PITPNM2: variants seen among roughly 807,000 people sequenced by gnomAD.
The protein encoded by PITPNM2 is membrane-associated phosphatidylinositol transfer protein 2.
A neutral mutation model predicts 132.2 loss-of-function variants in PITPNM2; 35 were observed. The observed-to-expected ratio is 0.26, with a 90% CI of 0.20 to 0.35. The LOEUF is 0.35. Among genes scored for constraint, PITPNM2 ranks in the 10% least tolerant of loss-of-function variants. The pLI is 1.00. For synonymous variants in PITPNM2, 738 were observed against 799.2 expected (o/e 0.92, Z 1.29); for missense variants, 1,332 against 1,912.0 (o/e 0.70, Z 5.66).
intron 3 of PITPNM2, among the ~76,000 whole-genome samples, chr12:123,025,895 T>G (rs1006113791): frequency 1.3e-5 from 2 of 152,190 alleles, no homozygotes; most frequent in Non-Finnish European, 2.9e-5. Flanking sequence ...ATTAGCACTA[T>G]TACCCCCAAG....
Position 123,097,646 on chromosome 12 carries a change from T to TTGCC in PITPNM2, c.-96+12735_-96+12738dup, listed in dbSNP as rs1245000152. Among the ~76,000 whole-genome samples, 1 of 152,306 alleles carries TTGCC rather than the reference T, an allele frequency of 6.6e-6. No individual in the cohort carries two copies. Among genetic ancestry groups the TTGCC allele is most frequent in the South Asian group, 2.1e-4 (1 of 4,832 alleles). On this transcript the variant is annotated intron_variant, in intron 2 of 25. Coordinates refer to ENST00000320201, the MANE Select transcript of PITPNM2 (RefSeq NM_020845.3). This position sits in a 1 kb window ranked among gnomAD's most constrained non-coding sequence, Gnocchi z 4.7. Reference sequence around the variant, plus strand: ...CGCTCTCCAGTGCAGCCTGCCTCACTTGCCTGCCTGCCTGCCTTCCTTGCC... The same window carrying TTGCC: ...CGCTCTCCAGTGCAGCCTGCCTCACTTGCCTGCCTGCCTGCCTGCCTTCCTTGCC...
chr12:123,117,161 G>A lies in PITPNM2; in HGVS notation c.-199-6673C>T, dbSNP rs1025518525. On this transcript the variant is annotated intron_variant, in intron 1 of 25. Transcript: ENST00000320201. The surrounding 1 kb of genome is among the most constrained non-coding windows in gnomAD (Gnocchi z 4.7). Reference sequence around the variant, plus strand: ...TCACATATGAGAGTTGCTGAGAGACGTTAGTGCTTAAATGAGTCTTAGGAA... The same window carrying A: ...TCACATATGAGAGTTGCTGAGAGACATTAGTGCTTAAATGAGTCTTAGGAA... Among the ~76,000 whole-genome samples, 8 of 152,182 alleles carry A rather than the reference G, an allele frequency of 5.3e-5. No individual in the cohort carries two copies. Among genetic ancestry groups the A allele is most frequent in the African/African-American group, 1.7e-4 (7 of 41,440 alleles).
rs2043734000 is a variant in PITPNM2, at chr12:123,151,062, G to GTGCCCCGCGCACCCCAGCGGCCGCTGC, written c.-536_-510dup. Reference sequence around the variant, plus strand: ...GACAGCTCTACGCCGCGGCGCCGCGGTGCCCCGCGCACCCCAGCGGCCGCT... The same window carrying GTGCCCCGCGCACCCCAGCGGCCGCTGC: ...GACAGCTCTACGCCGCGGCGCCGCGGTGCCCCGCGCACCCCAGCGGCCGCTGCTGCCCCGCGCACCCCAGCGGCCGCT... On this transcript the variant is annotated 5_prime_UTR_variant, in exon 1 of 26. Transcript: ENST00000320201. 6.9e-6 allele frequency among the ~76,000 whole-genome samples: 1 copy of GTGCCCCGCGCACCCCAGCGGCCGCTGC among 145,832 alleles called. No individual in the cohort carries two copies. The highest frequency in any genetic ancestry group is 2.5e-5 in the African/African-American group (1 of 40,744).
At chr12:123,021,212 G>A (rs1012852959) in intron 3 of PITPNM2, among the ~76,000 whole-genome samples, 1 of 152,088 alleles carries the variant, frequency 6.6e-6, no homozygotes, top group African/African-American at 2.4e-5. Context: ...GCCCAAACAT[G>A]TCCTGTGCTC....
chr12:123,137,905 A>AAAGAAG (rs753981120), intron 1 of PITPNM2, among the ~76,000 whole-genome samples: 5 of 150,080 alleles, frequency 3.3e-5, no homozygotes, highest in South Asian at 2.1e-4. Flanking sequence ...AAAAAAAAAA[A>AAAGAAG]AAGAAGAAGA....
intron 2 of PITPNM2, among the ~76,000 whole-genome samples, chr12:123,080,027 A>G (rs908233811): frequency 1.3e-5 from 2 of 152,122 alleles, no homozygotes; most frequent in Non-Finnish European, 2.9e-5. Flanking sequence ...CATAAACTAC[A>G]TGGCCTTCTG....
In PITPNM2 at chr12:122,987,411, C is replaced by T. The variant is rs769401799; in HGVS notation, c.3283G>A (p.Asp1095Asn). The T allele has an allele frequency of 1.2e-5, 20 of 1,613,862 alleles. No individual in the cohort carries two copies. The highest frequency in any genetic ancestry group is 2.2e-5 in the East Asian group (1 of 44,892). The change falls in exon 23 of 26, where the codon GAC becomes AAC. Residue 1095 changes from aspartate (D) to asparagine (N), a missense_variant. Asp to Asn is a conservative substitution (Grantham distance 23). This residue lies in a region of PITPNM2 where 251 missense variants were observed against 472.0 expected (regional missense o/e 0.53). Coordinates refer to ENST00000320201, the MANE Select transcript of PITPNM2 (RefSeq NM_020845.3). ...MVVRGDHTFA[D>N]SYITVLPKGT... ...TTGGGCAGCACGGTGATGTAGCTGTCGGCAAACGTGTGGTCTCCCCTGGCA... is the reference window on the plus strand; with the variant it reads ...TTGGGCAGCACGGTGATGTAGCTGTTGGCAAACGTGTGGTCTCCCCTGGCA...
At chr12:123,089,887 A>T (rs1428718584) in intron 2 of PITPNM2, 1 of 152,224 alleles carries the variant, frequency 6.6e-6, no homozygotes, top group Non-Finnish European at 1.5e-5. Context: ...CAGAGCCAAC[A>T]AATGGACATC....
At chr12:122,991,872 G>A in intron 16 of PITPNM2, 1 of 1,313,246 alleles carries the variant, frequency 7.6e-7, no homozygotes, top group Non-Finnish European at 9.7e-7. Context: ...TCCAGGACCA[G>A]CTCAGGGTTT....
intron 1 of PITPNM2, among the ~76,000 whole-genome samples, chr12:123,139,119 G>C (rs1027167100): frequency 1.3e-5 from 2 of 152,112 alleles, no homozygotes; most frequent in African/African-American, 2.4e-5. Context: ...ACCTGGGAGA[G>C]AGTGAGATCC....
At chr12:123,135,159 G>C (rs1218058700) in intron 1 of PITPNM2, among the ~76,000 whole-genome samples, 2 of 152,062 alleles carry the variant, frequency 1.3e-5, no homozygotes, top group Admixed American at 1.3e-4. Flanking sequence ...ACCCAGTCTA[G>C]GAGACCACAA....
At chr12:123,002,936 G>A (rs762348067) in intron 8 of PITPNM2, among the ~76,000 whole-genome samples, 9 of 151,898 alleles carry the variant, frequency 5.9e-5, no homozygotes, top group African/African-American at 1.9e-4. Context: ...ACAGGGTTTC[G>A]CCATGTTGCC....
chr12:123,032,880 C>T (rs1173320038), intron 3 of PITPNM2, among the ~76,000 whole-genome samples: 6 of 152,192 alleles, frequency 3.9e-5, no homozygotes, highest in South Asian at 2.1e-4. Context: ...AACAGCCCCC[C>T]GGAGAGGCTG....
At chr12:123,048,151 TGA>T (rs1304587169) in intron 2 of PITPNM2, among the ~76,000 whole-genome samples, 3 of 144,586 alleles carry the variant, frequency 2.1e-5, no homozygotes, top group Admixed American at 6.9e-5. Flanking sequence ...CAAAACCTAA[TGA>T]GAAAAAAAGG....
At chr12:122,988,460 G>T in intron 19 of PITPNM2, 110 bp from the exon 20 acceptor site, 1 of 945,674 alleles carries the variant, frequency 1.1e-6, no homozygotes, top group Non-Finnish European at 1.7e-6. Flanking sequence ...TGGGTTGTAG[G>T]GGGTGTTCTT....
intron 2 of PITPNM2, among the ~76,000 whole-genome samples, chr12:123,049,938 C>T (rs1028993973): frequency 2.6e-5 from 4 of 152,352 alleles, no homozygotes; most frequent in African/African-American, 7.2e-5. Context: ...ATAACGCTGC[C>T]GCCAAGCAGC....
At chr12:123,130,142 TCACA>T (rs2043231020) in intron 1 of PITPNM2, among the ~76,000 whole-genome samples, 1 of 152,070 alleles carries the variant, frequency 6.6e-6, no homozygotes, top group Non-Finnish European at 1.5e-5. Context: ...AATTAATGTG[TCACA>T]CACAGGGCAC....
In PITPNM2 at chr12:123,058,638, G is replaced by A. The variant is rs2041124907; in HGVS notation, c.-95-23953C>T. On this transcript the variant is annotated intron_variant, in intron 2 of 25. Coordinates refer to ENST00000320201, the MANE Select transcript of PITPNM2 (RefSeq NM_020845.3). The surrounding 1 kb of genome is among the most constrained non-coding windows in gnomAD (Gnocchi z 4.0). Reference sequence around the variant, plus strand: ...TCCAAAGCCCTCAAGAGCAGCACCTGCCTCTTACACCTCGGCCCCAAGCAC... The same window carrying A: ...TCCAAAGCCCTCAAGAGCAGCACCTACCTCTTACACCTCGGCCCCAAGCAC... Among the ~76,000 whole-genome samples the A allele has an allele frequency of 1.3e-5, 2 of 152,124 alleles. No individual in the cohort carries two copies. The highest frequency in any genetic ancestry group is 4.2e-4 in the South Asian group (2 of 4,816).
chr12:123,020,702 A>T (rs1160946223), intron 3 of PITPNM2, among the ~76,000 whole-genome samples: 1 of 151,964 alleles, frequency 6.6e-6, no homozygotes, highest in Non-Finnish European at 1.5e-5. Context: ...GGCAAAGGAG[A>T]GAAGGGAGAG....
Sources: gnomAD v4.1 joint callset for allele counts (sites outside exome capture counted in the v4.1 genomes callset) on GRCh38, gnomAD v4.1.1 for gene constraint, gnomAD v4.1.1 regional missense constraint, Gnocchi (gnomAD v3.1) non-coding constraint, MANE v1.5 for transcripts, NCBI Gene and HGNC (gene_info 2026-07-23, HGNC 2026-07-21) for gene names.